ZFAND4: variants seen among roughly 807,000 people sequenced by gnomAD.
The protein encoded by ZFAND4 is AN1-type zinc finger protein 4.
In ZFAND4, 43 loss-of-function variants were observed where a neutral mutation model predicts 64.4. That is an observed-to-expected ratio of 0.67 (90% confidence interval 0.52 to 0.86). The LOEUF is 0.86. Ranked by LOEUF, ZFAND4 falls within the 40% of genes least tolerant of loss-of-function variation. ZFAND4 has a pLI of 0.00. For synonymous variants in ZFAND4, 296 were observed against 305.7 expected, an observed-to-expected ratio of 0.97 and a Z score of 0.33; for missense variants, 929 against 859.8, an observed-to-expected ratio of 1.08 and a Z score of -1.01.
Position 45,653,111 on chromosome 10 carries a change from A to G in ZFAND4, c.185-52T>C. The G allele has an allele frequency of 3.1e-6, 4 of 1,307,552 alleles. No homozygotes were observed. In the South Asian group the frequency reaches 5.0e-5, roughly 16 times the overall value. 81.0% of individuals were successfully genotyped at this position (1,307,552 alleles called of 1,614,324 possible). The stretch of plus-strand genomic sequence containing the variant: ...TGTTAAAGAATTCAATAGCATCTCC[A>G]AAAGAGTATGATACAAATCTATTTC... On this transcript the variant is annotated intron_variant, in intron 2 of 9. Transcript: ENST00000344646.
chr10:45,664,187 A>G (rs1219426601), intron 1 of ZFAND4, among the ~76,000 whole-genome samples: 1 of 152,202 alleles, frequency 6.6e-6, no homozygotes. Flanking sequence ...AAGGCTTTGA[A>G]AAATTTATTC....
At chr10:45,656,162 C>T (rs1045055190) in intron 2 of ZFAND4, among the ~76,000 whole-genome samples, 3 of 152,078 alleles carry the variant, frequency 2.0e-5, no homozygotes, top group African/African-American at 4.8e-5. Context: ...ACCCGGGAGG[C>T]GGAGGTTGCA....
chr10:45,656,531 GAA>G (rs1353615493), intron 2 of ZFAND4, among the ~76,000 whole-genome samples: 2 of 121,038 alleles, frequency 1.7e-5, no homozygotes, highest in African/African-American at 6.3e-5. Flanking sequence ...AAAAAGAAAA[GAA>G]AAAAGAAAGA....
At chr10:45,635,195 CAAAAAAAAAAA>C (rs1173808756) in intron 6 of ZFAND4, among the ~76,000 whole-genome samples, 5 of 27,640 alleles carry the variant, frequency 1.8e-4, no homozygotes, top group South Asian at 2.0e-3. Flanking sequence ...GCCATCTAAG[CAAAAAAAAAAA>C]AAAAAAACAA....
chr10:45,627,181 A>C, intron 6 of ZFAND4, 76 bp from the exon 7 acceptor site: 1 of 1,204,750 alleles, frequency 8.3e-7, no homozygotes, highest in South Asian at 1.7e-5. Flanking sequence ...GAAGGAAGAA[A>C]ATGTTACTTA....
intron 8 of ZFAND4, among the ~76,000 whole-genome samples, chr10:45,622,401 T>C (rs1269819382): frequency 3.9e-5 from 6 of 152,160 alleles, no homozygotes; most frequent in Non-Finnish European, 8.8e-5. Context: ...GAAGAAAAGA[T>C]AGGGGAAAAG....
chr10:45,652,828 T>G (rs1416453821), intron 3 of ZFAND4, among the ~76,000 whole-genome samples, 156 bp downstream of exon 3: 2 of 152,162 alleles, frequency 1.3e-5, no homozygotes, highest in Non-Finnish European at 2.9e-5. Flanking sequence ...AGTACCAAAC[T>G]AATGCATCTA....
intron 1 of ZFAND4, among the ~76,000 whole-genome samples, chr10:45,671,770 A>G (rs2049213631): frequency 6.6e-6 from 1 of 152,054 alleles, no homozygotes; most frequent in African/African-American, 2.4e-5. Flanking sequence ...AACATGGCAC[A>G]TGTATAGCTA....
chr10:45,662,626 T>C (rs918609186), intron 2 of ZFAND4: 5 of 985,442 alleles, frequency 5.1e-6, no homozygotes, highest in Non-Finnish European at 6.0e-6. Flanking sequence ...TTACTGAATG[T>C]GCTGATGTGG....
At chr10:45,637,825 A>G (rs1453367889) in intron 6 of ZFAND4, among the ~76,000 whole-genome samples, 3 of 152,170 alleles carry the variant, frequency 2.0e-5, no homozygotes, top group Non-Finnish European at 4.4e-5. Flanking sequence ...CACCCAAAGA[A>G]TAAGAAAGTA....
intron 5 of ZFAND4, among the ~76,000 whole-genome samples, chr10:45,642,473 G>A (rs1310207062): frequency 6.6e-6 from 1 of 151,814 alleles, no homozygotes; most frequent in Non-Finnish European, 1.5e-5. Flanking sequence ...CGGGCGTGGT[G>A]GCGGGTGCCT....
At chr10:45,621,634 C>A (rs1302281287) in intron 8 of ZFAND4, among the ~76,000 whole-genome samples, 1 of 151,756 alleles carries the variant, frequency 6.6e-6, no homozygotes, top group East Asian at 1.9e-4. Flanking sequence ...CCCAGCTGCT[C>A]GGGAGGCTGA....
At chr10:45,618,833 C>G (rs2045198858) in intron 8 of ZFAND4, among the ~76,000 whole-genome samples, 1 of 152,078 alleles carries the variant, frequency 6.6e-6, no homozygotes. Flanking sequence ...TCAACTCAAT[C>G]CATATATGTA....
chr10:45,652,005 C>T lies in ZFAND4; in HGVS notation c.289G>A (p.Val97Ile), dbSNP rs1362523430. 6.2e-7 allele frequency: 1 copy of T among 1,613,824 alleles called. No individual in the cohort carries two copies. Among genetic ancestry groups the T allele is most frequent in the South Asian group, 1.1e-5 (1 of 91,070 alleles). The change falls in exon 4 of 10, where the codon GTT becomes ATT. Residue 97 changes from valine to isoleucine, a missense_variant. By Grantham distance (29) the Val-to-Ile change is conservative. Transcript: ENST00000344646. ...NISEGCTLKL[V>I]LAMRGGPINT... The stretch of plus-strand genomic sequence containing the variant: ...ATAGGTCCGCCACGCATAGCCAAAA[C>T]TAGCTTCAAGGTACACCCTTCTGAA...
At chr10:45,671,245 G>A (rs1359704017) in intron 1 of ZFAND4, among the ~76,000 whole-genome samples, 3 of 152,220 alleles carry the variant, frequency 2.0e-5, no homozygotes, top group Non-Finnish European at 4.4e-5. Flanking sequence ...CTGTAAATTA[G>A]TTCAACCGTT....
At chr10:45,669,800 T>C (rs1354882719) in intron 1 of ZFAND4, among the ~76,000 whole-genome samples, 1 of 152,232 alleles carries the variant, frequency 6.6e-6, no homozygotes, top group Non-Finnish European at 1.5e-5. Context: ...TCTTAATAGA[T>C]GCAGAAAAGG....
chr10:45,646,107 A>G (rs2047361517), intron 5 of ZFAND4, among the ~76,000 whole-genome samples: 1 of 152,222 alleles, frequency 6.6e-6, no homozygotes, highest in Non-Finnish European at 1.5e-5. Flanking sequence ...CAATTAGGTA[A>G]AACGTTATTC....
rs547600913 is a variant in ZFAND4 at position 45,659,453 on chromosome 10, T to C, written c.184+4089A>G. 7.9e-5 allele frequency among the ~76,000 whole-genome samples: 12 copies of C among 152,314 alleles called. 1 individual carries two copies. The South Asian group carries it at 2.1e-3, about 26-fold the overall frequency. ...AGGAATTTGAAGGCTCTGGCACTTA[T>C]AACTACAGCAAACATTAAACACAGC... On this transcript the variant is annotated intron_variant, in intron 2 of 9. Transcript: ENST00000344646.
At chr10:45,633,487 T>C (rs944910877) in intron 6 of ZFAND4, among the ~76,000 whole-genome samples, 4 of 151,964 alleles carry the variant, frequency 2.6e-5, no homozygotes, top group Non-Finnish European at 5.9e-5. Flanking sequence ...AGAAGATCCC[T>C]TGGTCCCAGG....
Sources: gnomAD v4.1 joint callset for allele counts (sites outside exome capture counted in the v4.1 genomes callset) on GRCh38, gnomAD v4.1.1 for gene constraint, MANE v1.5 for transcripts, NCBI Gene and HGNC (gene_info 2026-07-23, HGNC 2026-07-21) for gene names.